CCNDBP1: variants seen among roughly 807,000 people sequenced by gnomAD.
CCNDBP1 encodes cyclin D1 binding protein 1.
In CCNDBP1, 45 loss-of-function variants were observed where a neutral mutation model predicts 46.2. The observed-to-expected ratio is 0.97, with a 90% CI of 0.77 to 1.25. The LOEUF (loss-of-function observed/expected upper bound fraction) is 1.25. Among genes scored for constraint, CCNDBP1 ranks in the 50% most tolerant of loss-of-function variants. The pLI is 0.00. For synonymous variants in CCNDBP1, 154 were observed against 163.6 expected (o/e 0.94, Z 0.45); for missense variants, 436 against 442.1 (o/e 0.99, Z 0.12).
rs2041812253 is a variant in CCNDBP1 at position 43,185,812 on chromosome 15, C to T, written c.110-8C>T. On this transcript the variant is annotated splice_region_variant and splice_polypyrimidine_tract_variant and intron_variant, in intron 1 of 10. Coordinates refer to ENST00000300213, the MANE Select transcript of CCNDBP1 (RefSeq NM_012142.5). Reference sequence around the variant, plus strand: ...CACCGTTCGGCCCCCACACGCCACACCCACAAGTCGGCGAAGCCCAGGAGA... The same window carrying T: ...CACCGTTCGGCCCCCACACGCCACATCCACAAGTCGGCGAAGCCCAGGAGA... 1 of 1,610,226 alleles carries T rather than the reference C, an allele frequency of 6.2e-7. No individual in the cohort carries two copies. Among genetic ancestry groups the T allele is most frequent in the South Asian group, 1.1e-5 (1 of 91,018 alleles).
intron 1 of CCNDBP1, 80 bp from the exon 2 acceptor site, chr15:43,185,740 G>A (rs183338108): frequency 0.046 from 69,120 of 1,498,864 alleles, 1,962 homozygotes; most frequent in Non-Finnish European, 0.053. Flanking sequence ...GGGGAGCCGG[G>A]CTTGGGCGAG....
Position 43,192,792 on chromosome 15 carries a change from G to A in CCNDBP1, c.910G>A (p.Val304Met), listed in dbSNP as rs140520048. The A allele has an allele frequency of 1.8e-4, 294 of 1,613,880 alleles. No individual in the cohort carries two copies. The highest frequency in any genetic ancestry group is 3.0e-4 in the Admixed American group (18 of 60,002). ...SIYPPMCHLT[V>M]RINSAKLVSV... Reference sequence around the variant, plus strand: ...ATATCCACCTATGTGTCACCTGACCGTGCGAATCAATGTAAGTACTGGCTT... The same window carrying A: ...ATATCCACCTATGTGTCACCTGACCATGCGAATCAATGTAAGTACTGGCTT... Residue 304 changes from valine (V) to methionine (M), a missense_variant, in exon 9 of 11, where the codon GTG becomes ATG. By Grantham distance (21) the Val-to-Met change is conservative (BLOSUM62 1). Transcript: ENST00000300213.
chr15:43,191,804 T>A, intron 8 of CCNDBP1, 129 bp downstream of exon 8: 2 of 1,015,436 alleles, frequency 2.0e-6, no homozygotes, highest in Non-Finnish European at 2.8e-6. Flanking sequence ...GTTTAAAAAG[T>A]ACCTTCAGTG....
intron 7 of CCNDBP1, 22 bp from the exon 8 acceptor site, chr15:43,191,373 C>G: frequency 1.4e-6 from 1 of 703,402 alleles, no homozygotes; most frequent in Non-Finnish European, 2.2e-6. Flanking sequence ...TTTGCATTCA[C>G]ATACATCATG....
chr15:43,193,539 C>T (rs1374938386), intron 9 of CCNDBP1, among the ~76,000 whole-genome samples: 1 of 151,958 alleles, frequency 6.6e-6, no homozygotes, highest in Non-Finnish European at 1.5e-5. Context: ...AATAAGTGTT[C>T]CAGAAACATA....
chr15:43,191,250 A>T, intron 7 of CCNDBP1, 145 bp from the exon 8 acceptor site: 1 of 887,210 alleles, frequency 1.1e-6, no homozygotes, highest in Non-Finnish European at 1.7e-6. Flanking sequence ...AGGGTTTATG[A>T]AGTGATTCAA....
chr15:43,186,587 A>AG (rs879570181), intron 3 of CCNDBP1, among the ~76,000 whole-genome samples: 2 of 152,224 alleles, frequency 1.3e-5, no homozygotes, highest in Non-Finnish European at 2.9e-5. Context: ...AAAAAAAAGC[A>AG]GGGGGGCTAG....
rs1274127115 is a variant in CCNDBP1, at chr15:43,185,981, T to C, written c.169+102T>C. 3 of 1,267,704 alleles carry C rather than the reference T, an allele frequency of 2.4e-6. No homozygotes were observed. The Admixed American group carries it at 5.8e-5, about 24-fold the overall frequency. 78.5% of individuals were successfully genotyped at this position (1,267,704 alleles called of 1,614,324 possible). A position where few individuals can be genotyped will look rare whatever the true frequency, so the allele number is the denominator to read the frequency against. ...CACGGAGGGGACTGCTCTCCCCCGC[T>C]GCATCCTTTCTGTGAGGTACCTTAC... On this transcript the variant is annotated intron_variant, in intron 2 of 10. Transcript: ENST00000300213.
At chr15:43,187,999 T>G (rs144130279) in intron 3 of CCNDBP1, among the ~76,000 whole-genome samples, 102 of 152,226 alleles carry the variant, frequency 6.7e-4, no homozygotes, top group African/African-American at 1.7e-3. Flanking sequence ...TTGGTTTTTT[T>G]TTGTTGTTGT....
chr15:43,190,516 T>TATTTCACTAGACTGTTTATATAA, intron 6 of CCNDBP1, 118 bp downstream of exon 6: 1 of 695,254 alleles, frequency 1.4e-6, no homozygotes, highest in Non-Finnish European at 2.4e-6. Flanking sequence ...GAAATATATA[T>TATTTCACTAGACTGTTTATATAA]ATTTTATTAA....
intron 9 of CCNDBP1, chr15:43,194,031 A>G: frequency 3.2e-6 from 1 of 308,256 alleles, no homozygotes; most frequent in South Asian, 2.6e-5. Context: ...TGGTGTTCTT[A>G]AAATTCTTAA....
Position 43,192,805 on chromosome 15 carries a change from T to TA in CCNDBP1, c.921+4dup. The stretch of plus-strand genomic sequence containing the variant: ...TGTCACCTGACCGTGCGAATCAATG[T>TA]AAGTACTGGCTTTGAGGGAATAGCT... On this transcript the variant is annotated splice_region_variant and intron_variant, in intron 9 of 10. Coordinates refer to ENST00000300213, the MANE Select transcript of CCNDBP1 (RefSeq NM_012142.5). 1 of 1,613,664 alleles carries TA rather than the reference T, an allele frequency of 6.2e-7. No individual in the cohort carries two copies. Among genetic ancestry groups the TA allele is most frequent in the Non-Finnish European group, 8.5e-7 (1 of 1,179,516 alleles).
At position 43,185,586 on chromosome 15, in the gene CCNDBP1, T is replaced by C; in HGVS notation, c.88T>C (p.Leu30=). The part of the protein sequence containing the change: ...QLRHLAEELR[L]LLPRVRVGEA... ...CCGGCACTTGGCGGAGGAGCTGCGGTTGCTCCTGCCTCGAGTGCGGGGTGA... is the reference window on the plus strand; with the variant it reads ...CCGGCACTTGGCGGAGGAGCTGCGGCTGCTCCTGCCTCGAGTGCGGGGTGA... The change falls in exon 1 of 11, where the codon TTG becomes CTG. Residue 30 remains leucine (L), a synonymous_variant. Transcript: ENST00000300213. The C allele has an allele frequency of 7.6e-6, 12 of 1,575,896 alleles. No individual in the cohort carries two copies. Among genetic ancestry groups the C allele is most frequent in the Non-Finnish European group, 1.0e-5 (12 of 1,164,074 alleles).
Position 43,191,557 on chromosome 15 carries a change from G to C in CCNDBP1, c.742G>C (p.Val248Leu), listed in dbSNP as rs1378952742. ...GCTCATAATCCCATGCCTTGCGCTG[G>C]TGAGAGCATCCAAAGCCTGCCTGAA... ...QELIIPCLALVRASKACLKKI... is the reference protein window; with the variant it reads ...QELIIPCLALLRASKACLKKI... Residue 248 changes from valine (V) to leucine (L), a missense_variant, in exon 8 of 11, where the codon GTG becomes CTG. Physicochemically the swap from Val to Leu is conservative, Grantham distance 32 (BLOSUM62 1). Coordinates refer to ENST00000300213, the MANE Select transcript of CCNDBP1 (RefSeq NM_012142.5). 6.2e-7 allele frequency: 1 copy of C among 1,614,096 alleles called. No individual in the cohort carries two copies. The highest frequency in any genetic ancestry group is 2.2e-5 in the East Asian group (1 of 44,874).
At chr15:43,185,928 C>T (rs2041817303) in intron 2 of CCNDBP1, 49 bp downstream of exon 2, 1 of 1,559,180 alleles carries the variant, frequency 6.4e-7, no homozygotes, top group Non-Finnish European at 8.7e-7. Context: ...CCTCCAGCGT[C>T]CCGACCCCTT....
intron 3 of CCNDBP1, 42 bp from the exon 4 acceptor site, chr15:43,189,157 A>C (rs1468818931): frequency 2.0e-6 from 2 of 1,005,986 alleles, no homozygotes. Context: ...TCCACAGCAG[A>C]AGGGTTGACC....
chr15:43,187,619 A>G (rs569973218), intron 3 of CCNDBP1, among the ~76,000 whole-genome samples: 1 of 152,200 alleles, frequency 6.6e-6, no homozygotes, highest in Middle Eastern at 3.2e-3. Context: ...GTATGAGAGC[A>G]CTTCAAAAGA....
chr15:43,186,865 A>G (rs928237610), intron 3 of CCNDBP1, among the ~76,000 whole-genome samples: 3 of 152,218 alleles, frequency 2.0e-5, no homozygotes, highest in African/African-American at 7.2e-5. Context: ...TACACAAATG[A>G]TACATAAACA....
In CCNDBP1 at chr15:43,192,788, G is replaced by T; in HGVS notation, c.906G>T (p.Leu302=). ...GCATATATCCACCTATGTGTCACCT[G>T]ACCGTGCGAATCAATGTAAGTACTG... ...ALSIYPPMCH[L]TVRINSAKLV... is the part of the protein sequence containing the mutation. The change falls in exon 9 of 11, where the codon CTG becomes CTT. Residue 302 remains leucine, a synonymous_variant. Coordinates refer to ENST00000300213, the MANE Select transcript of CCNDBP1 (RefSeq NM_012142.5). The T allele has an allele frequency of 6.2e-7, 1 of 1,614,088 alleles. No individual in the cohort carries two copies.
Sources: allele counts gnomAD v4.1 joint callset (sites outside exome capture counted in the v4.1 genomes callset), GRCh38; gene constraint gnomAD v4.1.1; transcripts MANE v1.5; gene names NCBI Gene and HGNC (gene_info 2026-07-23, HGNC 2026-07-21).